Variants in TRPM3 observed in about 807,000 individuals in gnomAD.
The protein encoded by TRPM3 is transient receptor potential cation channel subfamily M member 3.
A neutral mutation model predicts 181.2 loss-of-function variants in TRPM3; 77 were observed. That is an observed-to-expected ratio of 0.42 (90% CI 0.35 to 0.51). TRPM3 has a LOEUF of 0.51. Among genes scored for constraint, TRPM3 ranks in the 20% least tolerant of loss-of-function variants. TRPM3 has a pLI of 0.01. For synonymous variants in TRPM3, 745 were observed against 796.4 expected (o/e 0.94, Z 1.09); for missense variants, 1,759 against 2,196.7 (o/e 0.80, Z 3.98).
In TRPM3 at chr9:70,626,927, T is replaced by A. The variant is rs1012632471; in HGVS notation, c.1633-1410A>T. Among the ~76,000 whole-genome samples the A allele has an allele frequency of 6.6e-5, 10 of 152,316 alleles. No homozygotes were observed. In the East Asian group the frequency reaches 1.9e-3, roughly 29 times the overall value. ...CTTTACATGTTTCTTGTTTGATTTA[T>A]CTTTATATCCTGAGAGCCTCTTATA... On this transcript the variant is annotated intron_variant, in intron 12 of 25. Coordinates refer to ENST00000677713, the MANE Select transcript of TRPM3 (RefSeq NM_001366145.2).
At chr9:70,553,613 A>T (rs2046971460) in intron 22 of TRPM3, among the ~76,000 whole-genome samples, 1 of 152,284 alleles carries the variant, frequency 6.6e-6, no homozygotes, top group South Asian at 2.1e-4. Flanking sequence ...GGTGAGGGGC[A>T]CTTGGTGCTC....
At chr9:71,253,521 A>G (rs1389137775) in intron 1 of TRPM3, among the ~76,000 whole-genome samples, 1 of 152,186 alleles carries the variant, frequency 6.6e-6, no homozygotes, top group Admixed American at 6.5e-5. Context: ...GCCAAGGTTG[A>G]GACATCTGGC....
intron 6 of TRPM3, among the ~76,000 whole-genome samples, chr9:70,810,323 ACCCCAC>A (rs1327899479): frequency 1.7e-5 from 1 of 59,336 alleles, no homozygotes; most frequent in Non-Finnish European, 3.5e-5. Context: ...CTTGCCTCCA[ACCCCAC>A]CCTCCTCTCC....
At chr9:70,623,043 A>G (rs1428429363) in intron 14 of TRPM3, among the ~76,000 whole-genome samples, 2 of 152,102 alleles carry the variant, frequency 1.3e-5, no homozygotes, top group African/African-American at 4.8e-5. Context: ...AAATGCTTTC[A>G]GAATCAGAAA....
intron 21 of TRPM3, among the ~76,000 whole-genome samples, chr9:70,596,609 T>C (rs1254886670): frequency 6.6e-6 from 1 of 151,370 alleles, no homozygotes; most frequent in East Asian, 2.0e-4. Context: ...CAGGTGACTG[T>C]AGTCCCAGCT....
At chr9:71,348,308 T>C (rs1230858585) in intron 1 of TRPM3, among the ~76,000 whole-genome samples, 1 of 152,024 alleles carries the variant, frequency 6.6e-6, no homozygotes, top group African/African-American at 2.4e-5. Flanking sequence ...AGTCTTTAAA[T>C]TTTTTGTGAT....
intron 3 of TRPM3, among the ~76,000 whole-genome samples, chr9:70,852,153 A>T (rs1202885069): frequency 6.8e-6 from 1 of 147,450 alleles, no homozygotes; most frequent in African/African-American, 2.5e-5. Context: ...AAAAAAAAAA[A>T]AAGAGAGAAA....
intron 1 of TRPM3, among the ~76,000 whole-genome samples, chr9:71,376,403 C>T (rs2092668213): frequency 1.3e-5 from 2 of 151,940 alleles, no homozygotes; most frequent in Admixed American, 1.3e-4. Flanking sequence ...AAATATGTAT[C>T]ATTGCTTTCA....
chr9:70,739,579 G>A (rs1315766484), intron 8 of TRPM3, among the ~76,000 whole-genome samples: 2 of 151,854 alleles, frequency 1.3e-5, no homozygotes, highest in Non-Finnish European at 2.9e-5. Context: ...AGACAAGGAT[G>A]CCCACTTTTT....
intron 8 of TRPM3, among the ~76,000 whole-genome samples, chr9:70,741,435 T>C (rs542625699): frequency 1.3e-5 from 2 of 152,252 alleles, no homozygotes; most frequent in African/African-American, 4.8e-5. Flanking sequence ...GAACTAAAAG[T>C]AGAACTACTA....
intron 1 of TRPM3, among the ~76,000 whole-genome samples, chr9:71,316,292 C>T (rs760570270): frequency 6.6e-6 from 1 of 152,118 alleles, no homozygotes; most frequent in African/African-American, 2.4e-5. Flanking sequence ...TAAAACATGT[C>T]CATTAATTCA....
chr9:71,267,602 A>C (rs1025706876), intron 1 of TRPM3, among the ~76,000 whole-genome samples: 1 of 152,138 alleles, frequency 6.6e-6, no homozygotes, highest in Admixed American at 6.6e-5. Context: ...AGAATACCTA[A>C]AACTCCACAG....
chr9:71,234,139 G>A (rs191091299), intron 1 of TRPM3, among the ~76,000 whole-genome samples: 6 of 152,308 alleles, frequency 3.9e-5, no homozygotes, highest in Admixed American at 2.0e-4. Context: ...ACTCATTCAC[G>A]TGCCTGACTG....
At chr9:70,655,300 C>A (rs138905562) in intron 9 of TRPM3, among the ~76,000 whole-genome samples, 5 of 84,966 alleles carry the variant, frequency 5.9e-5, no homozygotes, top group Non-Finnish European at 4.0e-5. Flanking sequence ...AGTGAGACTC[C>A]GTCTCAAAAA....
intron 8 of TRPM3, among the ~76,000 whole-genome samples, chr9:70,688,080 T>C (rs567100366): frequency 9.2e-5 from 14 of 152,328 alleles, no homozygotes; most frequent in African/African-American, 2.9e-4. Flanking sequence ...TGGCATCTAC[T>C]ATTACACTCC....
At chr9:71,307,669 G>A (rs2087490535) in intron 1 of TRPM3, among the ~76,000 whole-genome samples, 1 of 152,058 alleles carries the variant, frequency 6.6e-6, no homozygotes, top group African/African-American at 2.4e-5. Flanking sequence ...TTAGGTAAAA[G>A]CATTATTTCA....
At chr9:71,408,734 A>G (rs1027763972) in intron 1 of TRPM3, among the ~76,000 whole-genome samples, 6 of 152,166 alleles carry the variant, frequency 3.9e-5, no homozygotes, top group Non-Finnish European at 8.8e-5. Flanking sequence ...CCAACATTCA[A>G]ATTCAGGAAA....
rs185772549 is a variant in TRPM3, at chr9:71,167,150, T to A, written c.183+279503A>T. On this transcript the variant is annotated intron_variant, in intron 1 of 24. Coordinates refer to the TRPM3 transcript ENST00000357533. ...TGAATCAAGTAAAATATGTGAGATA[T>A]TTATTATTTAAAAGACCATTTGTGC... Among the ~76,000 whole-genome samples, 27 of 152,294 alleles carry A rather than the reference T, an allele frequency of 1.8e-4. No homozygotes were observed. In the East Asian group the frequency reaches 4.8e-3, roughly 27 times the overall value.
intron 1 of TRPM3, among the ~76,000 whole-genome samples, chr9:71,136,603 C>T (rs2074780828): frequency 1.3e-5 from 2 of 152,184 alleles, no homozygotes; most frequent in Non-Finnish European, 2.9e-5. Flanking sequence ...AATTCATATG[C>T]TTACTACAGA....
Sources: allele counts gnomAD v4.1 joint callset (sites outside exome capture counted in the v4.1 genomes callset), GRCh38; gene constraint gnomAD v4.1.1; transcripts MANE v1.5; gene names NCBI Gene and HGNC (gene_info 2026-07-23, HGNC 2026-07-21).